Variants in FZD6 observed in about 807,000 individuals in gnomAD.
FZD6 encodes frizzled-6.
FZD6 carries 49 observed loss-of-function variants against 61.4 expected under a neutral mutation model. That is an observed-to-expected ratio of 0.80 (90% CI 0.63 to 1.01). FZD6 has a LOEUF of 1.01. FZD6 is among the 50% of genes least tolerant of loss of function. The pLI is 0.00. For missense variants in FZD6, 724 were observed against 848.2 expected (o/e 0.85, Z 1.82); for synonymous variants, 265 against 292.2 (o/e 0.91, Z 0.95).
At chr8:103,310,371 G>A (rs1814459461) in intron 2 of FZD6, among the ~76,000 whole-genome samples, 1 of 152,158 alleles carries the variant, frequency 6.6e-6, no homozygotes, top group Admixed American at 6.5e-5. Flanking sequence ...CTGGGCTCAA[G>A]TGAACCTCAG....
At position 103,331,531 on chromosome 8, in the gene FZD6, C is replaced by T. The variant is rs200202095; in HGVS notation, c.*22C>T. On this transcript the variant is annotated 3_prime_UTR_variant, in exon 7 of 7. Coordinates refer to ENST00000358755, the MANE Select transcript of FZD6 (RefSeq NM_003506.4). ...TTGAAGAACATTTTCTCTCGTTACT[C>T]AGAAGCAAATTTGTGTTACACTGGA... 2 of 1,549,918 alleles carry T rather than the reference C, an allele frequency of 1.3e-6. No homozygotes were observed. Among genetic ancestry groups the T allele is most frequent in the African/African-American group, 2.7e-5 (2 of 73,878 alleles).
Position 103,325,450 on chromosome 8 carries a change from T to G in FZD6, c.1344T>G (p.Thr448=). The change falls in exon 4 of 7, where the codon ACT becomes ACG. Residue 448 remains threonine, a synonymous_variant. Coordinates refer to ENST00000358755, the MANE Select transcript of FZD6 (RefSeq NM_003506.4). ...TGAACAGGATTACCTGGGAGATAACTTGGGTCTCTGATCATTGTCGTCAGT... is the reference window on the plus strand; with the variant it reads ...TGAACAGGATTACCTGGGAGATAACGTGGGTCTCTGATCATTGTCGTCAGT... ...EQVNRITWEI[T]WVSDHCRQYH... The G allele has an allele frequency of 6.2e-7, 1 of 1,613,822 alleles. No individual in the cohort carries two copies. Among genetic ancestry groups the G allele is most frequent in the Non-Finnish European group, 8.5e-7 (1 of 1,179,710 alleles).
At chr8:103,301,496 G>A (rs187392628) in intron 2 of FZD6, among the ~76,000 whole-genome samples, 1 of 152,218 alleles carries the variant, frequency 6.6e-6, no homozygotes, top group African/African-American at 2.4e-5. Flanking sequence ...GTTTTGTAGT[G>A]TTCATGTTTT....
chr8:103,309,820 G>C (rs1414228824), intron 2 of FZD6, among the ~76,000 whole-genome samples: 1 of 152,134 alleles, frequency 6.6e-6, no homozygotes, highest in Admixed American at 6.5e-5. Context: ...CCCCATGTCA[G>C]TATGTCTTAG....
At chr8:103,307,976 AGTTG>A (rs1814388310) in intron 2 of FZD6, 90 of 455,822 alleles carry the variant, frequency 2.0e-4, no homozygotes, top group South Asian at 1.4e-3. Flanking sequence ...GACACTAGAT[AGTTG>A]GTTGATCCTG....
chr8:103,307,142 C>T (rs1336930619), intron 2 of FZD6, among the ~76,000 whole-genome samples: 1 of 152,190 alleles, frequency 6.6e-6, no homozygotes, highest in East Asian at 1.9e-4. Context: ...GATACTGCCA[C>T]AGGACCACTC....
intron 5 of FZD6, 68 bp downstream of exon 5, chr8:103,328,484 AAATC>A: frequency 8.4e-7 from 1 of 1,196,230 alleles, no homozygotes; most frequent in Non-Finnish European, 1.2e-6. Flanking sequence ...GGAACTGTTC[AAATC>A]AATGTACTAG....
At chr8:103,298,578 C>T (rs1162637087), upstream of FZD6, 1 of 152,166 alleles carries the variant, frequency 6.6e-6, no homozygotes, top group Non-Finnish European at 1.5e-5. Flanking sequence ...AAGGTGAACC[C>T]CTCCGGACCC....
intron 2 of FZD6, among the ~76,000 whole-genome samples, chr8:103,306,306 T>A (rs1446849951): frequency 1.3e-5 from 2 of 152,176 alleles, no homozygotes; most frequent in Non-Finnish European, 2.9e-5. Flanking sequence ...CTGAGATTGA[T>A]CACATTCGTG....
intron 2 of FZD6, among the ~76,000 whole-genome samples, chr8:103,308,875 T>G (rs565997933): frequency 6.6e-6 from 1 of 152,290 alleles, no homozygotes; most frequent in East Asian, 1.9e-4. Flanking sequence ...AAGGTCCCTT[T>G]TAATTATGTA....
Position 103,331,331 on chromosome 8 carries a change from T to G in FZD6, c.1953-10T>G. 1.2e-6 allele frequency: 2 copies of G among 1,606,050 alleles called. No individual in the cohort carries two copies. Among genetic ancestry groups the G allele is most frequent in the Non-Finnish European group, 1.7e-6 (2 of 1,172,618 alleles). On this transcript the variant is annotated splice_polypyrimidine_tract_variant and intron_variant, in intron 6 of 6. Coordinates refer to ENST00000358755, the MANE Select transcript of FZD6 (RefSeq NM_003506.4). ...GATGTGTGTGTGTCAACTTTTTTTCTTTTATCTAGGATTAGTCCAAAGAGT... is the reference window on the plus strand; with the variant it reads ...GATGTGTGTGTGTCAACTTTTTTTCGTTTATCTAGGATTAGTCCAAAGAGT...
intron 6 of FZD6, among the ~76,000 whole-genome samples, 181 bp downstream of exon 6, chr8:103,330,246 A>G (rs1423919840): frequency 1.3e-5 from 2 of 152,176 alleles, no homozygotes; most frequent in Non-Finnish European, 2.9e-5. Flanking sequence ...AGCTTTGAGA[A>G]CAGCTTTAAT....
chr8:103,326,947 T>C (rs933277564), intron 4 of FZD6, among the ~76,000 whole-genome samples: 1 of 152,170 alleles, frequency 6.6e-6, no homozygotes, highest in Non-Finnish European at 1.5e-5. Context: ...AAAATTAAAA[T>C]TAAATTATAT....
intron 2 of FZD6, among the ~76,000 whole-genome samples, chr8:103,311,433 G>C (rs1586509666): frequency 6.6e-6 from 1 of 151,974 alleles, no homozygotes; most frequent in Admixed American, 6.6e-5. Flanking sequence ...TCACTCTAGA[G>C]CACAGTGTAA....
At chr8:103,315,477 CAA>C (rs1306153523) in intron 2 of FZD6, among the ~76,000 whole-genome samples, 1 of 152,150 alleles carries the variant, frequency 6.6e-6, no homozygotes, top group Non-Finnish European at 1.5e-5. Flanking sequence ...AATCACAAAA[CAA>C]TGATGCTAAG....
At chr8:103,323,396 T>A (rs376826617) in intron 3 of FZD6, among the ~76,000 whole-genome samples, 1 of 151,796 alleles carries the variant, frequency 6.6e-6, no homozygotes, top group Admixed American at 6.6e-5. Context: ...TTATCTAAGG[T>A]ATATTTAAAA....
rs1815149182 is a variant in FZD6 at position 103,331,912 on chromosome 8, G to C, written c.*403G>C. The C allele has an allele frequency of 5.5e-6, 1 of 181,514 alleles. No homozygotes were observed. Among genetic ancestry groups the C allele is most frequent in the Admixed American group, 5.5e-5 (1 of 18,066 alleles). The allele number at this position is 181,514 out of a possible 1,614,324, so 11.2% of individuals were successfully genotyped here. ...TCCTTGTATCTTTTTATACATATTT[G>C]AAAATAAGCTTATATGTATTTGAAC... On this transcript the variant is annotated 3_prime_UTR_variant, in exon 7 of 7. Coordinates refer to ENST00000358755, the MANE Select transcript of FZD6 (RefSeq NM_003506.4).
At chr8:103,314,892 T>G (rs1231581666) in intron 2 of FZD6, among the ~76,000 whole-genome samples, 1 of 152,246 alleles carries the variant, frequency 6.6e-6, no homozygotes, top group Non-Finnish European at 1.5e-5. Context: ...ATTTTTAAGG[T>G]GTATACAGTG....
At chr8:103,307,322 A>G (rs1470700608) in intron 2 of FZD6, among the ~76,000 whole-genome samples, 1 of 152,158 alleles carries the variant, frequency 6.6e-6, no homozygotes, top group Non-Finnish European at 1.5e-5. Context: ...ATCAGGAGCT[A>G]GCTGGTCCTT....
Sources: gnomAD v4.1 joint callset for allele counts (sites outside exome capture counted in the v4.1 genomes callset) on GRCh38, gnomAD v4.1.1 for gene constraint, MANE v1.5 for transcripts, NCBI Gene and HGNC (gene_info 2026-07-23, HGNC 2026-07-21) for gene names.